The following TMEM132D variants were observed in gnomAD, a reference collection of about 807,000 sequenced individuals.
The protein encoded by TMEM132D is mature OL transmembrane protein.
Under a neutral mutation model 62.3 loss-of-function variants are expected in TMEM132D, and 21 were observed. That is an observed-to-expected ratio of 0.34 (90% confidence interval 0.24 to 0.49). The LOEUF is 0.49. Ranked by LOEUF, TMEM132D falls within the 20% of genes least tolerant of loss-of-function variation. The probability of loss-of-function intolerance (pLI) is 0.99; values close to 1 mark genes in which losing one functional copy is unlikely to be tolerated. For missense variants in TMEM132D, 1,346 were observed against 1,402.8 expected (o/e 0.96, Z 0.65); for synonymous variants, 621 against 575.6 (o/e 1.08, Z -1.13).
intron 4 of TMEM132D, chr12:129,211,945 T>C (rs1879063416): frequency 6.6e-6 from 1 of 152,168 alleles, no homozygotes; most frequent in African/African-American, 2.4e-5. Context: ...CAACCTAACT[T>C]TTTTTTCTAC....
intron 1 of TMEM132D, among the ~76,000 whole-genome samples, chr12:129,848,171 C>T (rs530457482): frequency 2.6e-5 from 4 of 152,294 alleles, no homozygotes; most frequent in African/African-American, 4.8e-5. Context: ...ACCAAGGGTG[C>T]GTCCTTTGTA....
At chr12:129,509,252 A>C (rs756151289) in intron 3 of TMEM132D, among the ~76,000 whole-genome samples, 1 of 152,330 alleles carries the variant, frequency 6.6e-6, no homozygotes, top group Admixed American at 6.5e-5. Context: ...GTGAAATATT[A>C]ATTCACTTTC....
chr12:129,799,421 ATATATGTGTATATATG>A (rs1480677233), intron 1 of TMEM132D, among the ~76,000 whole-genome samples: 60 of 908 alleles, frequency 0.066, 2 homozygotes, highest in Admixed American at 0.052. Flanking sequence ...ATATATGTGT[ATATATGTGTATATATG>A]TATATATATA....
intron 2 of TMEM132D, among the ~76,000 whole-genome samples, chr12:129,545,025 A>G (rs991748546): frequency 6.6e-6 from 1 of 152,238 alleles, no homozygotes; most frequent in African/African-American, 2.4e-5. Context: ...GCCTTGGCTC[A>G]ATGCATCCAA....
chr12:129,583,322 G>A (rs1692914573), intron 2 of TMEM132D, among the ~76,000 whole-genome samples: 1 of 152,138 alleles, frequency 6.6e-6, no homozygotes, highest in Admixed American at 6.5e-5. Flanking sequence ...GGCTGCCTGT[G>A]GTCTAGTGGA....
chr12:129,344,433 G>T (rs1392049214), intron 3 of TMEM132D, among the ~76,000 whole-genome samples: 1 of 152,188 alleles, frequency 6.6e-6, no homozygotes, highest in East Asian at 1.9e-4. Flanking sequence ...TAAGTGGGGT[G>T]CATATACCTG....
intron 2 of TMEM132D, among the ~76,000 whole-genome samples, chr12:129,549,248 T>C (rs914941010): frequency 1.4e-4 from 21 of 149,920 alleles, no homozygotes; most frequent in African/African-American, 4.5e-4. Context: ...TCTCATTCTT[T>C]CCTGCCTGCC....
chr12:129,577,293 A>G (rs1298989630), intron 2 of TMEM132D, among the ~76,000 whole-genome samples: 2 of 151,692 alleles, frequency 1.3e-5, no homozygotes, highest in Non-Finnish European at 2.9e-5. Flanking sequence ...CCACAAAATT[A>G]CTACAGTAGT....
chr12:129,634,470 T>C (rs1257466307), intron 2 of TMEM132D, among the ~76,000 whole-genome samples: 2 of 104,214 alleles, frequency 1.9e-5, no homozygotes, highest in Non-Finnish European at 4.2e-5. Flanking sequence ...TGAAACCTTG[T>C]CTCAAAAAAA....
At chr12:129,590,199 G>A (rs568637723) in intron 2 of TMEM132D, among the ~76,000 whole-genome samples, 1 of 152,226 alleles carries the variant, frequency 6.6e-6, no homozygotes, top group South Asian at 2.1e-4. Context: ...GATGAAATGT[G>A]TTTCTCCAGG....
intron 4 of TMEM132D, among the ~76,000 whole-genome samples, chr12:129,303,950 C>T (rs1427005738): frequency 6.6e-6 from 1 of 152,102 alleles, no homozygotes; most frequent in African/African-American, 2.4e-5. Flanking sequence ...GGAAATTCAC[C>T]CTGCCTCCAC....
intron 3 of TMEM132D, among the ~76,000 whole-genome samples, chr12:129,409,723 G>C (rs1189723264): frequency 1.3e-5 from 2 of 152,198 alleles, no homozygotes; most frequent in African/African-American, 4.8e-5. Context: ...ACAGTAAAGA[G>C]TAAATACACA....
At chr12:129,618,044 G>A (rs1009425895) in intron 2 of TMEM132D, among the ~76,000 whole-genome samples, 16 of 152,176 alleles carry the variant, frequency 1.1e-4, no homozygotes, top group African/African-American at 3.9e-4. Context: ...AATGAAGAAA[G>A]CCACAGCTAG....
chr12:129,355,768 T>C (rs1468493602), intron 3 of TMEM132D, among the ~76,000 whole-genome samples: 1 of 152,210 alleles, frequency 6.6e-6, no homozygotes, highest in African/African-American at 2.4e-5. Context: ...AATCTGTACC[T>C]GCAACTTTCC....
rs1031888204 is a variant in TMEM132D at position 129,700,091 on chromosome 12, G to A, written c.687C>T (p.Thr229=). The change falls in exon 2 of 9, where the codon ACC becomes ACT. Residue 229 remains threonine, a synonymous_variant. Coordinates refer to ENST00000422113, the MANE Select transcript of TMEM132D (RefSeq NM_133448.3). ...CCCCTCTCTCACCCCCTGGGTGCAC[G>A]GTGTAGTAGAGCTCCACGGGGGTCC... ...PEGTPVELYY[T]VHPGGERGDC... 7 of 1,613,548 alleles carry A rather than the reference G, an allele frequency of 4.3e-6. No individual in the cohort carries two copies. The highest frequency in any genetic ancestry group is 5.9e-6 in the Non-Finnish European group (7 of 1,180,006).
intron 1 of TMEM132D, chr12:129,840,564 T>A (rs1873160148): frequency 6.6e-6 from 1 of 152,244 alleles, no homozygotes; most frequent in Non-Finnish European, 1.5e-5. Flanking sequence ...AAAATATTTA[T>A]GTATCTATCT....
intron 5 of TMEM132D, among the ~76,000 whole-genome samples, chr12:129,202,259 C>G (rs1338761415): frequency 3.9e-5 from 6 of 152,206 alleles, no homozygotes; most frequent in Admixed American, 3.9e-4. Context: ...AGGGGCTGCA[C>G]AGGTGGCTGT....
intron 4 of TMEM132D, among the ~76,000 whole-genome samples, chr12:129,252,854 T>C (rs1490238889): frequency 1.3e-5 from 2 of 151,976 alleles, no homozygotes; most frequent in African/African-American, 4.8e-5. Flanking sequence ...TGGAATACTA[T>C]GCAGCCATAA....
intron 5 of TMEM132D, among the ~76,000 whole-genome samples, chr12:129,208,424 G>A (rs773939136): frequency 6.6e-6 from 1 of 152,176 alleles, no homozygotes; most frequent in Non-Finnish European, 1.5e-5. Flanking sequence ...GTTGCTTTCT[G>A]ACATCTCTGC....
Sources: allele counts gnomAD v4.1 joint callset (sites outside exome capture counted in the v4.1 genomes callset), GRCh38; gene constraint gnomAD v4.1.1; transcripts MANE v1.5; gene names NCBI Gene and HGNC (gene_info 2026-07-23, HGNC 2026-07-21).